The following CSNK1G2 variants were observed in gnomAD, a reference collection of about 807,000 sequenced individuals.
CSNK1G2 encodes the protein casein kinase 1 gamma 2, also known as casein kinase I isoform gamma-2.
A neutral mutation model predicts 48.0 loss-of-function variants in CSNK1G2; 11 were observed. The observed-to-expected ratio is 0.23, with a 90% CI of 0.14 to 0.38. The LOEUF (loss-of-function observed/expected upper bound fraction) is 0.38, where lower values mean the gene tolerates loss of function less well. Ranked by LOEUF, CSNK1G2 falls within the 10% of genes least tolerant of loss-of-function variation. CSNK1G2 has a pLI of 1.00. For synonymous variants in CSNK1G2, 337 were observed against 254.1 expected, an observed-to-expected ratio of 1.33 and a Z score of -3.10; for missense variants, 446 against 595.5, an observed-to-expected ratio of 0.75 and a Z score of 2.61.
rs758169951 is a variant in CSNK1G2, at chr19:1,980,330, C to G, written c.*127C>G. On this transcript the variant is annotated 3_prime_UTR_variant, in exon 12 of 12. Transcript: ENST00000255641. ...CCCTGGCTGGAAGCCAGAACGCAGACTGCAGGGGCCGCGCCTGGCTCAGGC... is the reference window on the plus strand; with the variant it reads ...CCCTGGCTGGAAGCCAGAACGCAGAGTGCAGGGGCCGCGCCTGGCTCAGGC... 1 of 1,194,612 alleles carries G rather than the reference C, an allele frequency of 8.4e-7. No individual in the cohort carries two copies. Among genetic ancestry groups the G allele is most frequent in the East Asian group, 2.4e-5 (1 of 42,014 alleles). The allele number at this position is 1,194,612 out of a possible 1,614,324, so 74.0% of individuals were successfully genotyped here. A position where few individuals can be genotyped will look rare whatever the true frequency, so the allele number is the denominator to read the frequency against.
Position 1,980,313 on chromosome 19 carries a change from G to T in CSNK1G2, c.*110G>T. On this transcript the variant is annotated 3_prime_UTR_variant, in exon 12 of 12. Transcript: ENST00000255641. ...AGCGGCCCAGGGCCAGACCCTGGCT[G>T]GAAGCCAGAACGCAGACTGCAGGGG... 2 of 1,385,310 alleles carry T rather than the reference G, an allele frequency of 1.4e-6. No individual in the cohort carries two copies. The highest frequency in any genetic ancestry group is 2.3e-5 in the East Asian group (1 of 43,270). The allele number at this position is 1,385,310 out of a possible 1,614,324, so 85.8% of individuals were successfully genotyped here.
chr19:1,952,899 A>T (rs771427768), intron 1 of CSNK1G2: 3 of 448,030 alleles, frequency 6.7e-6, no homozygotes, highest in African/African-American at 4.3e-5. Context: ...AGGAGCTGGC[A>T]ACCGAGGTGA....
intron 1 of CSNK1G2, among the ~76,000 whole-genome samples, chr19:1,955,339 C>T (rs909944236): frequency 3.9e-5 from 6 of 152,108 alleles, no homozygotes; most frequent in South Asian, 2.1e-4. Context: ...CAGGCGCAGG[C>T]GGTGACTCTC....
rs145371477 is a variant in CSNK1G2, at chr19:1,965,618, A to C, written c.-265-3890A>C. ...CGGGTTGAAGCAATTGTCTTTCCTCAGCCTCCTGAGTAGCTGGGGCTACAG... is the reference window on the plus strand; with the variant it reads ...CGGGTTGAAGCAATTGTCTTTCCTCCGCCTCCTGAGTAGCTGGGGCTACAG... On this transcript the variant is annotated intron_variant, in intron 1 of 11. Transcript: ENST00000255641. Among the ~76,000 whole-genome samples, 767 of 152,100 alleles carry C rather than the reference A, an allele frequency of 5.0e-3. 9 individuals carry two copies. Among genetic ancestry groups the C allele is most frequent in the African/African-American group, 0.017 (692 of 41,498 alleles).
rs894735920 is a variant in CSNK1G2 at position 1,951,275 on chromosome 19, C to T, written c.-266+9857C>T. Among the ~76,000 whole-genome samples, 97 of 144,452 alleles carry T rather than the reference C, an allele frequency of 6.7e-4. 12 individuals are homozygous for T. The highest frequency in any genetic ancestry group is 2.4e-3 in the African/African-American group (91 of 37,458). 94.8% of individuals were successfully genotyped at this position (144,452 alleles called of 152,430 possible). ...AAAATTAGCCGGGCGTGGTGGCGGG[C>T]GCCTGTAGTCCCAGCTACTCGGGAG... On this transcript the variant is annotated intron_variant, in intron 1 of 11. Coordinates refer to ENST00000255641, the MANE Select transcript of CSNK1G2 (RefSeq NM_001319.7).
chr19:1,953,780 C>G (rs944787292), intron 1 of CSNK1G2: 1 of 477,406 alleles, frequency 2.1e-6, no homozygotes, highest in Non-Finnish European at 4.4e-6. Context: ...CCCCTCCCCC[C>G]GCATCAGGGT....
At chr19:1,951,611 G>C (rs1464132549) in intron 1 of CSNK1G2, among the ~76,000 whole-genome samples, 1 of 144,844 alleles carries the variant, frequency 6.9e-6, no homozygotes, top group East Asian at 2.1e-4. Context: ...GGGGATGCTT[G>C]GGTGCCCTCA....
rs1047226670 is a variant in CSNK1G2, at chr19:1,969,556, C to G, written c.-217C>G. ...GGTGGGATGTGTCAGCAGAATGTCTCCTGCCCCCGAGAGCGACCCCGAGGC... is the reference window on the plus strand; with the variant it reads ...GGTGGGATGTGTCAGCAGAATGTCTGCTGCCCCCGAGAGCGACCCCGAGGC... On this transcript the variant is annotated 5_prime_UTR_variant, in exon 2 of 12. Transcript: ENST00000255641. The G allele has an allele frequency of 2.6e-6, 1 of 380,240 alleles. No individual in the cohort carries two copies. The highest frequency in any genetic ancestry group is 2.1e-5 in the African/African-American group (1 of 48,104). The allele number at this position is 380,240 out of a possible 1,614,324, so 23.6% of individuals were successfully genotyped here.
intron 1 of CSNK1G2, among the ~76,000 whole-genome samples, chr19:1,945,475 G>A (rs952131583): frequency 1.3e-5 from 2 of 152,214 alleles, no homozygotes; most frequent in African/African-American, 4.8e-5. Flanking sequence ...GTGGCCCAGC[G>A]GCCTCCCTGC....
chr19:1,972,978 A>T (rs1482779235), intron 2 of CSNK1G2, among the ~76,000 whole-genome samples: 4 of 142,170 alleles, frequency 2.8e-5, no homozygotes, highest in Non-Finnish European at 4.5e-5. Context: ...CCCAGGCTGG[A>T]GTGCAGTGGC....
chr19:1,953,692 C>T lies in CSNK1G2; in HGVS notation c.-266+12274C>T, dbSNP rs546345263. The T allele has an allele frequency of 2.3e-4, 90 of 383,002 alleles. No individual in the cohort carries two copies. In the East Asian group the frequency reaches 3.6e-3, roughly 15 times the overall value. 23.7% of individuals were successfully genotyped at this position (383,002 alleles called of 1,614,324 possible). A position where few individuals can be genotyped will look rare whatever the true frequency, so the allele number is the denominator to read the frequency against. ...ACCAGGGCGAGGCTGACCTGTGGGA[C>T]GGGGTCCCTGCACAGCCTCGCCGTC... On this transcript the variant is annotated intron_variant, in intron 1 of 11. Coordinates refer to ENST00000255641, the MANE Select transcript of CSNK1G2 (RefSeq NM_001319.7).
intron 1 of CSNK1G2, among the ~76,000 whole-genome samples, chr19:1,964,917 G>A (rs2015316582): frequency 1.3e-5 from 2 of 151,124 alleles, no homozygotes; most frequent in South Asian, 4.2e-4. Flanking sequence ...TAGTAGAAAC[G>A]GGGTTTCAGC....
chr19:1,975,103 C>T (rs1349494815), intron 2 of CSNK1G2: 1 of 985,328 alleles, frequency 1.0e-6, no homozygotes, highest in Non-Finnish European at 1.2e-6. Context: ...AAGGTTTCTT[C>T]CACAGTGCAG....
At chr19:1,941,667 C>G (rs1012533326) in intron 1 of CSNK1G2, among the ~76,000 whole-genome samples, 1 of 150,740 alleles carries the variant, frequency 6.6e-6, no homozygotes, top group Non-Finnish European at 1.5e-5. Flanking sequence ...CGTCCCCCAC[C>G]GCCCTAACCC....
chr19:1,943,511 TTTTAATTGA>T (rs1309634885), intron 1 of CSNK1G2, among the ~76,000 whole-genome samples: 2 of 152,354 alleles, frequency 1.3e-5, no homozygotes, highest in Non-Finnish European at 2.9e-5. Flanking sequence ...GCGAGGGTTT[TTTTAATTGA>T]AAGTTCCTGT....
chr19:1,951,327 C>G (rs921149332), intron 1 of CSNK1G2, among the ~76,000 whole-genome samples: 1 of 144,358 alleles, frequency 6.9e-6, no homozygotes. Context: ...GGCGTGAACC[C>G]GGGAGGCGGA....
chr19:1,953,399 T>C (rs770448172), intron 1 of CSNK1G2: 2 of 534,318 alleles, frequency 3.7e-6, no homozygotes, highest in Non-Finnish European at 7.7e-6. Context: ...CCCCGGAGTC[T>C]GGAAGGCCGT....
rs761315894 is a variant in CSNK1G2 at position 1,978,385 on chromosome 19, C to T, written c.228+40C>T. ...CCACCCCACCCCCGCTGACGTGCCC[C>T]CCAGGGATTTCAGGGCAGCGACCCG... On this transcript the variant is annotated intron_variant, in intron 3 of 11. Transcript: ENST00000255641. This position sits in a 1 kb window ranked among gnomAD's most constrained non-coding sequence, Gnocchi z 7.3. 13 of 1,612,104 alleles carry T rather than the reference C, an allele frequency of 8.1e-6. No individual in the cohort carries two copies. The Admixed American group carries it at 1.2e-4, about 14-fold the overall frequency.
At chr19:1,941,588 G>T (rs1476291310) in intron 1 of CSNK1G2, among the ~76,000 whole-genome samples, 170 bp downstream of exon 1, 1 of 49,382 alleles carries the variant, frequency 2.0e-5, no homozygotes, top group African/African-American at 7.6e-5. Flanking sequence ...TAACCGCCCC[G>T]CAAGCTGACC....
Sources: allele counts gnomAD v4.1 joint callset (sites outside exome capture counted in the v4.1 genomes callset), GRCh38; gene constraint gnomAD v4.1.1; non-coding constraint Gnocchi (gnomAD v3.1); transcripts MANE v1.5; gene names NCBI Gene and HGNC (gene_info 2026-07-23, HGNC 2026-07-21).